Variants in ZNF76 observed in about 807,000 individuals in gnomAD.
The protein encoded by ZNF76 is zinc finger protein 76.
ZNF76 carries 66 observed loss-of-function variants against 66.9 expected under a neutral mutation model. The observed-to-expected ratio is 0.99, with a 90% confidence interval of 0.81 to 1.21. ZNF76 has a LOEUF of 1.21. ZNF76 is among the 50% of genes most tolerant of loss of function. The probability of loss-of-function intolerance (pLI) is 0.00; values close to 1 mark genes in which losing one functional copy is unlikely to be tolerated. For synonymous variants in ZNF76, 275 were observed against 296.1 expected (o/e 0.93, Z 0.73); for missense variants, 729 against 760.3 (o/e 0.96, Z 0.48).
intron 2 of ZNF76, among the ~76,000 whole-genome samples, chr6:35,282,165 G>A (rs1788870684): frequency 6.6e-6 from 1 of 151,942 alleles, no homozygotes; most frequent in African/African-American, 2.4e-5. Context: ...CCCTTATAAG[G>A]GATAGACATA....
chr6:35,283,289 T>C (rs1271704835), intron 2 of ZNF76, among the ~76,000 whole-genome samples: 1 of 152,156 alleles, frequency 6.6e-6, no homozygotes, highest in Non-Finnish European at 1.5e-5. Context: ...TCACAACAGA[T>C]TTTCCCTCTG....
chr6:35,282,131 C>T (rs7772212), intron 2 of ZNF76, among the ~76,000 whole-genome samples: 119,445 of 151,726 alleles, frequency 0.79, 47,639 homozygotes, highest in Non-Finnish European at 0.85. Flanking sequence ...GTATGTATAC[C>T]ACATACTAGG....
In ZNF76 at chr6:35,293,737, C is replaced by T. The variant is rs775869884; in HGVS notation, c.1330-14C>T. ...CACTGACACTGCCAGCTCATCTTCC[C>T]CTCCTGTTGGCAGGTCAGCCTGTCC... On this transcript the variant is annotated splice_polypyrimidine_tract_variant and intron_variant, in intron 11 of 13. Coordinates refer to ENST00000373953, the MANE Select transcript of ZNF76 (RefSeq NM_003427.5). 6.2e-7 allele frequency: 1 copy of T among 1,612,690 alleles called. No individual in the cohort carries two copies. The highest frequency in any genetic ancestry group is 8.5e-7 in the Non-Finnish European group (1 of 1,179,082).
Position 35,287,539 on chromosome 6 carries a change from G to A in ZNF76, c.233-107G>A, listed in dbSNP as rs1789739534. ...AGTGAAGGGCCATGAGAAATTGGATGTTGAAACCCTCCTTGGTATATGTAT... is the reference window on the plus strand; with the variant it reads ...AGTGAAGGGCCATGAGAAATTGGATATTGAAACCCTCCTTGGTATATGTAT... On this transcript the variant is annotated intron_variant, in intron 4 of 13. Coordinates refer to ENST00000373953, the MANE Select transcript of ZNF76 (RefSeq NM_003427.5). The surrounding 1 kb of genome is among the most constrained non-coding windows in gnomAD (Gnocchi z 4.0). The A allele has an allele frequency of 9.3e-7, 1 of 1,073,474 alleles. No individual in the cohort carries two copies. The highest frequency in any genetic ancestry group is 1.6e-5 in the South Asian group (1 of 61,692). The allele number at this position is 1,073,474 out of a possible 1,614,324, so 66.5% of individuals were successfully genotyped here.
Position 35,290,705 on chromosome 6 carries a change from C to T in ZNF76, c.614C>T (p.Ala205Val), listed in dbSNP as rs1175040549. 17 of 1,614,084 alleles carry T rather than the reference C, an allele frequency of 1.1e-5. No individual in the cohort carries two copies. The East Asian group carries it at 3.8e-4, about 36-fold the overall frequency. The change falls in exon 7 of 14, where the codon GCC becomes GTC. Residue 205 changes from alanine to valine, a missense_variant. Coordinates refer to ENST00000373953, the MANE Select transcript of ZNF76 (RefSeq NM_003427.5). The part of the protein sequence containing the change: ...YRCDFPSCGK[A>V]FATGYGLKSH... ...TGTGACTTCCCCAGCTGTGGAAAGG[C>T]CTTTGCCACAGGTAACCTGCCTGGT... is the stretch of plus-strand genomic sequence containing the variant.
chr6:35,291,361 A>G lies in ZNF76; in HGVS notation c.709A>G (p.Lys237Glu). 1 of 1,614,156 alleles carries G rather than the reference A, an allele frequency of 6.2e-7. No individual in the cohort carries two copies. Residue 237 changes from lysine to glutamate, a missense_variant, in exon 8 of 14, where the codon AAG becomes GAG. Physicochemically the swap from Lys to Glu is moderately conservative, Grantham distance 56 (BLOSUM62 1). Transcript: ENST00000373953. ...AGAGGAGCTGTGCAGCAAGGCCTTC[A>G]AGACCTCAGGAGACCTGCAGAAGCA... The part of the protein sequence containing the change: ...CPEELCSKAF[K>E]TSGDLQKHVR...
intron 2 of ZNF76, among the ~76,000 whole-genome samples, chr6:35,284,216 C>T (rs1440323649): frequency 2.0e-5 from 3 of 151,728 alleles, no homozygotes; most frequent in East Asian, 1.9e-4. Context: ...CTCAGCCTCC[C>T]GAGTAGCTGG....
At chr6:35,266,894 G>A (rs544587177) in intron 1 of ZNF76, among the ~76,000 whole-genome samples, 12 of 127,384 alleles carry the variant, frequency 9.4e-5, no homozygotes, top group Non-Finnish European at 1.7e-4. Flanking sequence ...TCTGCCTCCC[G>A]GGTTCACGCC....
intron 5 of ZNF76, 168 bp downstream of exon 5, chr6:35,288,013 C>G: frequency 1.3e-6 from 1 of 775,258 alleles, no homozygotes; most frequent in South Asian, 1.5e-5. Context: ...GCTCCCCCAA[C>G]TCACCTGTCA....
chr6:35,272,169 G>A (rs1787170577), intron 1 of ZNF76, among the ~76,000 whole-genome samples: 1 of 151,526 alleles, frequency 6.6e-6, no homozygotes, highest in Admixed American at 6.6e-5. Flanking sequence ...CACCAGGCAA[G>A]GTGGCTCATA....
At chr6:35,272,032 G>A (rs1287303769) in intron 1 of ZNF76, among the ~76,000 whole-genome samples, 1 of 152,120 alleles carries the variant, frequency 6.6e-6, no homozygotes, top group African/African-American at 2.4e-5. Context: ...TTGAGCCCAG[G>A]AGATCAAGGC....
chr6:35,280,272 G>A (rs889230985), intron 1 of ZNF76, among the ~76,000 whole-genome samples: 3 of 152,154 alleles, frequency 2.0e-5, no homozygotes, highest in African/African-American at 7.2e-5. Flanking sequence ...GAGGCAGGAA[G>A]ATCACTTGAG....
chr6:35,293,082 GCACTCTC>G lies in ZNF76; in HGVS notation c.1329+46_1329+52del, dbSNP rs775626138. ...GAGGGCAGAGGTGCCATACTAGCTG[GCACTCTC>G]CACTCTCTCTGGGGACTCTGGGAGC... On this transcript the variant is annotated intron_variant, in intron 11 of 13. Transcript: ENST00000373953. 2.5e-6 allele frequency: 4 copies of G among 1,602,954 alleles called. No individual in the cohort carries two copies. In the African/African-American group the frequency reaches 5.4e-5, roughly 22 times the overall value.
At chr6:35,273,245 T>TCACTGC (rs1373829440) in intron 1 of ZNF76, among the ~76,000 whole-genome samples, 1 of 151,140 alleles carries the variant, frequency 6.6e-6, no homozygotes, top group African/African-American at 2.4e-5. Flanking sequence ...TGATCTCAGC[T>TCACTGC]CACTGCCACC....
intron 5 of ZNF76, among the ~76,000 whole-genome samples, chr6:35,288,923 C>T (rs987235706): frequency 2.8e-5 from 4 of 144,670 alleles, no homozygotes; most frequent in African/African-American, 1.0e-4. Context: ...TGCACTCCAG[C>T]CTGGGCAACA....
In ZNF76 at chr6:35,294,566, G is replaced by C. The variant is rs140259482; in HGVS notation, c.1605G>C (p.Val535=). Residue 535 remains valine (V), a synonymous_variant, in exon 13 of 14, where the codon GTG becomes GTC. Coordinates refer to ENST00000373953, the MANE Select transcript of ZNF76 (RefSeq NM_003427.5). ...LATANGTHIA[V]QLEEQQTLEE... ...CAGCCAACGGAACGCACATTGCAGT[G>C]CAGGTGAGTAGAGATCTGGGAGGAA... is the stretch of plus-strand genomic sequence containing the variant. 1 of 1,609,774 alleles carries C rather than the reference G, an allele frequency of 6.2e-7. No individual in the cohort carries two copies. Among genetic ancestry groups the C allele is most frequent in the Non-Finnish European group, 8.5e-7 (1 of 1,175,968 alleles).
At chr6:35,277,037 G>C (rs1290786142) in intron 1 of ZNF76, among the ~76,000 whole-genome samples, 1 of 151,172 alleles carries the variant, frequency 6.6e-6, no homozygotes, top group African/African-American at 2.4e-5. Context: ...GATCTCAAGT[G>C]ATCCGCCCAC....
At chr6:35,265,825 A>T (rs546008922) in intron 1 of ZNF76, among the ~76,000 whole-genome samples, 1 of 152,324 alleles carries the variant, frequency 6.6e-6, no homozygotes, top group South Asian at 2.1e-4. Context: ...GGGGCAGATC[A>T]CACAGGCCAC....
chr6:35,264,342 G>A (rs1785683164), intron 1 of ZNF76, among the ~76,000 whole-genome samples: 1 of 152,126 alleles, frequency 6.6e-6, no homozygotes. Flanking sequence ...CTGTATTTCT[G>A]GTAAGATAGG....
Sources: allele counts gnomAD v4.1 joint callset (sites outside exome capture counted in the v4.1 genomes callset), GRCh38; gene constraint gnomAD v4.1.1; non-coding constraint Gnocchi (gnomAD v3.1); transcripts MANE v1.5; gene names NCBI Gene and HGNC (gene_info 2026-07-23, HGNC 2026-07-21).